Variants in CNTNAP2 observed in about 807,000 individuals in gnomAD.
CNTNAP2 encodes contactin-associated protein-like 2.
In CNTNAP2, 98 loss-of-function variants were observed where a neutral mutation model predicts 155.2. That is an observed-to-expected ratio of 0.63 (90% CI 0.54 to 0.75). The LOEUF (loss-of-function observed/expected upper bound fraction) is 0.75, where lower values mean the gene tolerates loss of function less well. CNTNAP2 is among the 30% of genes least tolerant of loss of function. The pLI is 0.00. For synonymous variants in CNTNAP2, 651 were observed against 631.2 expected (o/e 1.03, Z -0.47); for missense variants, 1,727 against 1,688.1 (o/e 1.02, Z -0.40).
chr7:146,658,302 AGT>A (rs1393175333), intron 1 of CNTNAP2, among the ~76,000 whole-genome samples: 2 of 151,918 alleles, frequency 1.3e-5, no homozygotes, highest in Non-Finnish European at 2.9e-5. Flanking sequence ...TTATTTTGAG[AGT>A]GTGGAATTCT....
At chr7:146,134,212 G>C (rs1020329424) in intron 1 of CNTNAP2, among the ~76,000 whole-genome samples, 2 of 151,820 alleles carry the variant, frequency 1.3e-5, no homozygotes, top group African/African-American at 4.8e-5. Flanking sequence ...TTGGCTGTTT[G>C]TCTGTTGTTG....
chr7:146,729,155 C>CT (rs1231294197), intron 1 of CNTNAP2, among the ~76,000 whole-genome samples: 12 of 152,200 alleles, frequency 7.9e-5, no homozygotes, highest in Admixed American at 5.9e-4. Flanking sequence ...CCATTGCTGA[C>CT]TAAGCCCCAG....
chr7:147,082,893 T>C (rs577256752), intron 4 of CNTNAP2: 1 of 152,188 alleles, frequency 6.6e-6, no homozygotes, highest in South Asian at 2.1e-4. Flanking sequence ...GCTCCCATCT[T>C]GGGGTCAAGA....
chr7:146,466,462 A>G (rs1796718956), intron 1 of CNTNAP2, among the ~76,000 whole-genome samples: 1 of 152,190 alleles, frequency 6.6e-6, no homozygotes, highest in African/African-American at 2.4e-5. Context: ...TGTTTTCAAC[A>G]CTGGTTAACT....
intron 18 of CNTNAP2, among the ~76,000 whole-genome samples, chr7:148,172,756 T>A (rs1248680068): frequency 6.6e-6 from 1 of 152,178 alleles, no homozygotes; most frequent in African/African-American, 2.4e-5. Context: ...TCTCATTACA[T>A]CTTAATGGTG....
chr7:147,157,507 G>C (rs1563096851), intron 8 of CNTNAP2, among the ~76,000 whole-genome samples: 2 of 152,094 alleles, frequency 1.3e-5, no homozygotes, highest in Non-Finnish European at 2.9e-5. Context: ...GGGTTGAGGT[G>C]CTTCCTCAAA....
chr7:147,957,795 C>A (rs1348640125), intron 14 of CNTNAP2, among the ~76,000 whole-genome samples: 1 of 152,124 alleles, frequency 6.6e-6, no homozygotes, highest in African/African-American at 2.4e-5. Flanking sequence ...AAATATAGGG[C>A]TAGACATAGT....
intron 1 of CNTNAP2, among the ~76,000 whole-genome samples, chr7:146,617,734 CAGTAAT>C (rs1164801123): frequency 1.3e-5 from 2 of 152,062 alleles, no homozygotes; most frequent in Non-Finnish European, 2.9e-5. Flanking sequence ...AATTTTGAAA[CAGTAAT>C]AGTGACTAAA....
At chr7:148,112,368 AAAT>A (rs1804370763) in intron 15 of CNTNAP2, among the ~76,000 whole-genome samples, 1 of 151,878 alleles carries the variant, frequency 6.6e-6, no homozygotes, top group Admixed American at 6.6e-5. Flanking sequence ...GTTGGCTTTT[AAAT>A]AATATTACAT....
intron 4 of CNTNAP2, among the ~76,000 whole-genome samples, chr7:147,107,656 A>G (rs1435684998): frequency 6.6e-6 from 1 of 152,026 alleles, no homozygotes; most frequent in African/African-American, 2.4e-5. Context: ...GGTGAAATAT[A>G]AAAACCATTT....
In CNTNAP2 at chr7:147,702,748, C is replaced by T. The variant is rs1405392829; in HGVS notation, c.2098+63442C>T. 5.3e-5 allele frequency among the ~76,000 whole-genome samples: 8 copies of T among 152,248 alleles called. No individual in the cohort carries two copies. In the East Asian group the frequency reaches 1.6e-3, roughly 30 times the overall value. On this transcript the variant is annotated intron_variant, in intron 13 of 23. Coordinates refer to ENST00000361727, the MANE Select transcript of CNTNAP2 (RefSeq NM_014141.6). ...CTGCAGGAAAGGCTGACTTCATGAA[C>T]ATGTGGCCTGTGTAGCCACAGAGGG...
intron 9 of CNTNAP2, among the ~76,000 whole-genome samples, chr7:147,342,169 C>T (rs1422000881): frequency 2.6e-5 from 4 of 152,066 alleles, no homozygotes; most frequent in African/African-American, 9.7e-5. Context: ...TAATTATATC[C>T]CAAAGGTCCC....
chr7:147,828,294 A>C (rs1798492588), intron 13 of CNTNAP2, among the ~76,000 whole-genome samples: 1 of 152,172 alleles, frequency 6.6e-6, no homozygotes. Flanking sequence ...ATTGGATCGA[A>C]GTCCAGATTT....
intron 13 of CNTNAP2, among the ~76,000 whole-genome samples, chr7:147,787,113 A>T (rs116485534): frequency 6.6e-6 from 1 of 152,216 alleles, no homozygotes; most frequent in African/African-American, 2.4e-5. Flanking sequence ...ATAGTGATGC[A>T]TATGGTAGAG....
chr7:147,293,315 A>G (rs943348832), intron 8 of CNTNAP2, among the ~76,000 whole-genome samples: 1 of 152,156 alleles, frequency 6.6e-6, no homozygotes, highest in African/African-American at 2.4e-5. Flanking sequence ...CATATTTATA[A>G]TGTGGTTTAG....
chr7:146,934,582 A>G (rs1246750636), intron 3 of CNTNAP2, among the ~76,000 whole-genome samples: 4 of 152,226 alleles, frequency 2.6e-5, no homozygotes, highest in Non-Finnish European at 5.9e-5. Flanking sequence ...CATGTACCAT[A>G]AAACTTTAAT....
intron 1 of CNTNAP2, among the ~76,000 whole-genome samples, chr7:146,388,478 A>T (rs1384703267): frequency 6.6e-6 from 1 of 152,006 alleles, no homozygotes; most frequent in Non-Finnish European, 1.5e-5. Context: ...GTATATATTT[A>T]TGGGGTACAT....
intron 3 of CNTNAP2, among the ~76,000 whole-genome samples, chr7:146,981,235 A>G (rs573500721): frequency 2.6e-4 from 40 of 152,316 alleles, no homozygotes; most frequent in Admixed American, 2.4e-3. Flanking sequence ...GTCTGCTCCC[A>G]AAGAGTTATA....
chr7:147,856,053 T>C (rs1225553213), intron 13 of CNTNAP2, among the ~76,000 whole-genome samples: 1 of 152,126 alleles, frequency 6.6e-6, no homozygotes, highest in East Asian at 1.9e-4. Flanking sequence ...GCTTGATTAG[T>C]TTGAGGTCGA....
Sources: allele counts gnomAD v4.1 joint callset (sites outside exome capture counted in the v4.1 genomes callset), GRCh38; gene constraint gnomAD v4.1.1; transcripts MANE v1.5; gene names NCBI Gene and HGNC (gene_info 2026-07-23, HGNC 2026-07-21).